Variants in WDR72 observed in about 807,000 individuals in gnomAD.
WDR72 encodes the protein WD repeat domain 72, also known as WD repeat-containing protein 72.
A neutral mutation model predicts 124.2 loss-of-function variants in WDR72; 120 were observed. The observed-to-expected ratio is 0.97, with a 90% CI of 0.83 to 1.12. The LOEUF (loss-of-function observed/expected upper bound fraction) is 1.12, where lower values mean the gene tolerates loss of function less well. Ranked by LOEUF, WDR72 falls within the 50% of genes most tolerant of loss-of-function variation. The pLI, the probability that WDR72 is intolerant of heterozygous loss-of-function variation, is 0.00. For synonymous variants in WDR72, 452 were observed against 441.7 expected (o/e 1.02, Z -0.29); for missense variants, 1,387 against 1,278.8 (o/e 1.08, Z -1.29).
intron 9 of WDR72, among the ~76,000 whole-genome samples, chr15:53,709,762 T>G (rs767407138): frequency 1.3e-5 from 2 of 152,092 alleles, no homozygotes; most frequent in Non-Finnish European, 2.9e-5. Flanking sequence ...GCACTTGGGG[T>G]TCTAATTTTT....
At chr15:53,625,256 T>A (rs2014157662) in intron 14 of WDR72, among the ~76,000 whole-genome samples, 1 of 152,218 alleles carries the variant, frequency 6.6e-6, no homozygotes, top group Admixed American at 6.5e-5. Flanking sequence ...AATACAAATT[T>A]TAAGTGATTG....
chr15:53,577,359 G>A (rs1468675981), intron 18 of WDR72, among the ~76,000 whole-genome samples: 1 of 152,016 alleles, frequency 6.6e-6, no homozygotes, highest in Non-Finnish European at 1.5e-5. Flanking sequence ...TTCTATCATT[G>A]AAGTCTCAGA....
At position 53,699,833 on chromosome 15, in the gene WDR72, C is replaced by T. The variant is rs1454703763; in HGVS notation, c.1682G>A (p.Arg561Lys). The change falls in exon 13 of 20, where the codon AGG (arginine) becomes AAG (lysine). Residue 561 changes from arginine (R) to lysine (K), a missense_variant. By Grantham distance (26) the Arg-to-Lys change is conservative (BLOSUM62 2). Coordinates refer to ENST00000360509, the MANE Select transcript of WDR72 (RefSeq NM_182758.4). ...LHARKHLFPV[R>K]MIKWHPVENF... Reference sequence around the variant, plus strand: ...CTCAACCGGGTGCCATTTTATCATCCTCACAGGAAAAAGGTGCTTCCGGGC... The same window carrying T: ...CTCAACCGGGTGCCATTTTATCATCTTCACAGGAAAAAGGTGCTTCCGGGC... 2.5e-6 allele frequency: 4 copies of T among 1,614,136 alleles called. No homozygotes were observed. In the South Asian group the frequency reaches 4.4e-5, roughly 18 times the overall value.
At chr15:53,688,610 A>T (rs1419432146) in intron 13 of WDR72, among the ~76,000 whole-genome samples, 2 of 152,206 alleles carry the variant, frequency 1.3e-5, no homozygotes, top group Non-Finnish European at 2.9e-5. Flanking sequence ...GGTAGGAAGA[A>T]TCAATATCGT....
intron 18 of WDR72, among the ~76,000 whole-genome samples, chr15:53,530,276 T>C (rs1249965958): frequency 6.6e-6 from 1 of 151,708 alleles, no homozygotes. Flanking sequence ...ATTGGTCATA[T>C]CAGTAAGCTG....
At chr15:53,679,819 G>C (rs1472781877) in intron 13 of WDR72, among the ~76,000 whole-genome samples, 1 of 151,972 alleles carries the variant, frequency 6.6e-6, no homozygotes, top group African/African-American at 2.4e-5. Context: ...TGAGACCATA[G>C]GAATTTAGAA....
At chr15:53,523,939 A>G (rs574539773) in intron 18 of WDR72, among the ~76,000 whole-genome samples, 51 of 152,098 alleles carry the variant, frequency 3.4e-4, no homozygotes, top group Non-Finnish European at 6.3e-4. Flanking sequence ...ATATTGTAGA[A>G]TTATGACCAG....
chr15:53,760,320 C>G (rs1208848654), upstream of WDR72, among the ~76,000 whole-genome samples: 1 of 150,378 alleles, frequency 6.6e-6, no homozygotes, highest in South Asian at 2.2e-4. Flanking sequence ...CACCCGACTC[C>G]CCCACCCCCC....
chr15:53,677,210 G>A (rs1376201931), intron 13 of WDR72, among the ~76,000 whole-genome samples: 3 of 152,160 alleles, frequency 2.0e-5, no homozygotes, highest in African/African-American at 4.8e-5. Flanking sequence ...GTGAGCCACC[G>A]TGCCCAGCCA....
At chr15:53,656,974 G>A (rs1258471343) in intron 14 of WDR72, among the ~76,000 whole-genome samples, 1 of 151,870 alleles carries the variant, frequency 6.6e-6, no homozygotes, top group Non-Finnish European at 1.5e-5. Context: ...TTTTTAAAAA[G>A]GAAAAACAGG....
intron 1 of WDR72, among the ~76,000 whole-genome samples, chr15:53,757,495 C>T (rs758914455): frequency 2.6e-5 from 4 of 151,878 alleles, no homozygotes; most frequent in Non-Finnish European, 4.4e-5. Context: ...TGGTGGCAGG[C>T]ACCTGTAACC....
At chr15:53,635,950 C>A (rs76209914) in intron 14 of WDR72, among the ~76,000 whole-genome samples, 2,049 of 152,182 alleles carry the variant, frequency 0.013, 37 homozygotes, top group East Asian at 0.078. Context: ...CCCTTTATAC[C>A]ATTGTTTCTT....
At chr15:53,663,967 T>G (rs1202473536) in intron 14 of WDR72, among the ~76,000 whole-genome samples, 1 of 147,990 alleles carries the variant, frequency 6.8e-6, no homozygotes, top group Non-Finnish European at 1.5e-5. Flanking sequence ...GACAATGGAT[T>G]AAATGAGAAA....
At chr15:53,614,751 A>G (rs114053126) in intron 15 of WDR72, among the ~76,000 whole-genome samples, 12 of 152,080 alleles carry the variant, frequency 7.9e-5, no homozygotes, top group Admixed American at 3.9e-4. Context: ...GAATTTGACA[A>G]TCACCTACAC....
chr15:53,613,927 C>G (rs1765612182), intron 15 of WDR72, among the ~76,000 whole-genome samples, 170 bp from the exon 16 acceptor site: 1 of 149,958 alleles, frequency 6.7e-6, no homozygotes, highest in African/African-American at 2.5e-5. Flanking sequence ...GATTTCCTCA[C>G]TTTGCTCCCA....
At chr15:53,705,298 T>A (rs1270207914) in intron 10 of WDR72, 65 bp from the exon 11 acceptor site, 16 of 1,470,536 alleles carry the variant, frequency 1.1e-5, no homozygotes, top group Admixed American at 1.7e-5. Context: ...ATGGAAAATA[T>A]CAAGGCACCC....
At chr15:53,762,156 C>T (rs1197756098), upstream of WDR72, among the ~76,000 whole-genome samples, 2 of 152,056 alleles carry the variant, frequency 1.3e-5, no homozygotes, top group Non-Finnish European at 1.5e-5. Context: ...TATCTGGCTT[C>T]CCAAATATTA....
At chr15:53,725,646 A>G (rs1244285369) in intron 2 of WDR72, among the ~76,000 whole-genome samples, 2 of 152,218 alleles carry the variant, frequency 1.3e-5, no homozygotes, top group African/African-American at 4.8e-5. Flanking sequence ...CTATCAAGCC[A>G]TGAAAAGACA....
intron 18 of WDR72, among the ~76,000 whole-genome samples, chr15:53,593,139 C>T (rs978599404): frequency 5.3e-5 from 8 of 152,046 alleles, no homozygotes; most frequent in African/African-American, 1.7e-4. Context: ...TAGTTCCAGA[C>T]ACCTGGTGAT....
Sources: allele counts gnomAD v4.1 joint callset (sites outside exome capture counted in the v4.1 genomes callset), GRCh38; gene constraint gnomAD v4.1.1; transcripts MANE v1.5; gene names NCBI Gene and HGNC (gene_info 2026-07-23, HGNC 2026-07-21).